KCNQ3: variants seen among roughly 807,000 people sequenced by gnomAD.
KCNQ3 encodes the protein potassium voltage-gated channel subfamily Q member 3.
In KCNQ3, 30 loss-of-function variants were observed where a neutral mutation model predicts 92.5. The observed-to-expected ratio is 0.32, with a 90% confidence interval of 0.24 to 0.44. KCNQ3 has a LOEUF of 0.44. Ranked by LOEUF, KCNQ3 falls within the 20% of genes least tolerant of loss-of-function variation. The pLI, the probability that KCNQ3 is intolerant of heterozygous loss-of-function variation, is 1.00. For synonymous variants in KCNQ3, 450 were observed against 468.8 expected, an observed-to-expected ratio of 0.96 and a Z score of 0.52; for missense variants, 913 against 1,140.3, an observed-to-expected ratio of 0.80 and a Z score of 2.87.
chr8:132,431,253 C>T (rs528778980), intron 1 of KCNQ3, among the ~76,000 whole-genome samples: 9 of 152,142 alleles, frequency 5.9e-5, no homozygotes, highest in Admixed American at 1.3e-4. Flanking sequence ...TGTCACTAGC[C>T]GGGGAGAGGA....
intron 1 of KCNQ3, among the ~76,000 whole-genome samples, chr8:132,278,686 T>A (rs996122309): frequency 6.6e-6 from 1 of 152,200 alleles, no homozygotes; most frequent in Non-Finnish European, 1.5e-5. Context: ...TGGCTAGACA[T>A]GCAGAATTGC....
intron 1 of KCNQ3, chr8:132,278,028 C>A: frequency 1.3e-5 from 13 of 985,354 alleles, no homozygotes; most frequent in Non-Finnish European, 1.6e-5. Flanking sequence ...TTCAAGGCTA[C>A]AGAGCTCAGA....
At chr8:132,414,754 A>C (rs984006509) in intron 1 of KCNQ3, among the ~76,000 whole-genome samples, 10 of 152,236 alleles carry the variant, frequency 6.6e-5, no homozygotes. Context: ...AGACAGAGGG[A>C]GCAAACAAAC....
At chr8:132,192,654 G>GT (rs139346724) in intron 1 of KCNQ3, among the ~76,000 whole-genome samples, 4,101 of 151,936 alleles carry the variant, frequency 0.027, 217 homozygotes, top group African/African-American at 0.095. Context: ...TTTGTTTGTT[G>GT]TTTTTTTATT....
chr8:132,326,069 C>T (rs1818043562), intron 1 of KCNQ3, among the ~76,000 whole-genome samples: 1 of 152,138 alleles, frequency 6.6e-6, no homozygotes, highest in South Asian at 2.1e-4. Context: ...CAGCATGAGG[C>T]TTGGATGTGC....
intron 1 of KCNQ3, among the ~76,000 whole-genome samples, chr8:132,355,480 T>A (rs544650892): frequency 6.6e-6 from 1 of 152,218 alleles, no homozygotes; most frequent in Non-Finnish European, 1.5e-5. Context: ...GGTCCAGGGA[T>A]TGACATGTAA....
intron 13 of KCNQ3, among the ~76,000 whole-genome samples, chr8:132,133,381 G>GC (rs1824950669): frequency 8.6e-6 from 1 of 116,042 alleles, no homozygotes; most frequent in Non-Finnish European, 1.8e-5. Flanking sequence ...TTTTGAGATG[G>GC]AGTCTCACTC....
chr8:132,420,055 C>T (rs940855256), intron 1 of KCNQ3, among the ~76,000 whole-genome samples: 1 of 152,164 alleles, frequency 6.6e-6, no homozygotes, highest in South Asian at 2.1e-4. Context: ...ATCAGGGTGC[C>T]AGCATTGCTG....
chr8:132,231,459 G>T (rs1288979624), intron 1 of KCNQ3, among the ~76,000 whole-genome samples: 1 of 152,178 alleles, frequency 6.6e-6, no homozygotes, highest in Non-Finnish European at 1.5e-5. Context: ...TAAATATAGG[G>T]ATTTGGGGGG....
At chr8:132,348,000 A>AAAG (rs1818748003) in intron 1 of KCNQ3, among the ~76,000 whole-genome samples, 1 of 144,986 alleles carries the variant, frequency 6.9e-6, no homozygotes, top group Non-Finnish European at 1.5e-5. Flanking sequence ...AAAAAAAAAA[A>AAAG]AGGAAAACCC....
intron 1 of KCNQ3, among the ~76,000 whole-genome samples, chr8:132,407,617 C>A (rs1283794237): frequency 6.6e-6 from 1 of 152,134 alleles, no homozygotes; most frequent in East Asian, 1.9e-4. Flanking sequence ...CCTGGGACAC[C>A]CTTCCTCCCT....
At chr8:132,353,175 G>T (rs528232342) in intron 1 of KCNQ3, among the ~76,000 whole-genome samples, 1 of 152,160 alleles carries the variant, frequency 6.6e-6, no homozygotes, top group Non-Finnish European at 1.5e-5. Context: ...GCAGTGAGCC[G>T]AGATCGCGCC....
chr8:132,379,999 C>T (rs1819703581), intron 1 of KCNQ3, among the ~76,000 whole-genome samples: 1 of 151,426 alleles, frequency 6.6e-6, no homozygotes, highest in South Asian at 2.1e-4. Flanking sequence ...GTAATTACCA[C>T]AATGTATAGA....
At chr8:132,422,328 C>G (rs1390507863) in intron 1 of KCNQ3, among the ~76,000 whole-genome samples, 4 of 152,196 alleles carry the variant, frequency 2.6e-5, no homozygotes, top group African/African-American at 9.7e-5. Context: ...TCAAGTCCAG[C>G]CACCACCACC....
At chr8:132,211,724 G>A (rs536636248) in intron 1 of KCNQ3, among the ~76,000 whole-genome samples, 7 of 152,044 alleles carry the variant, frequency 4.6e-5, no homozygotes, top group South Asian at 2.1e-4. Context: ...AGGCCAAGGC[G>A]GGTGGATCAC....
intron 9 of KCNQ3, among the ~76,000 whole-genome samples, chr8:132,143,387 T>C (rs1173800458): frequency 6.6e-6 from 1 of 152,212 alleles, no homozygotes; most frequent in Non-Finnish European, 1.5e-5. Flanking sequence ...TACATTTCCA[T>C]GCCTGCCCGC....
chr8:132,381,593 A>G (rs1444509236), intron 1 of KCNQ3, among the ~76,000 whole-genome samples: 2 of 152,252 alleles, frequency 1.3e-5, no homozygotes, highest in South Asian at 2.1e-4. Context: ...CCAGCCTACA[A>G]CTAGAGCTCG....
At position 132,480,710 on chromosome 8, in the gene KCNQ3, G is replaced by T. The variant is rs983119537; in HGVS notation, c.-178C>A. The T allele has an allele frequency of 8.3e-6, 5 of 600,610 alleles. No individual in the cohort carries two copies. Among genetic ancestry groups the T allele is most frequent in the Non-Finnish European group, 1.1e-5 (5 of 472,014 alleles). 37.2% of individuals were successfully genotyped at this position (600,610 alleles called of 1,614,324 possible). A position where few individuals can be genotyped will look rare whatever the true frequency, so the allele number is the denominator to read the frequency against. On this transcript the variant is annotated 5_prime_UTR_variant, in exon 1 of 15. Transcript: ENST00000388996. ...CAGGCAAAGGCGGGCCCCCTGGGGG[G>T]CAGGGGAGGCCAGGCAGGGGGTCAG...
intron 1 of KCNQ3, among the ~76,000 whole-genome samples, chr8:132,310,906 T>A (rs1408293791): frequency 6.6e-6 from 1 of 152,134 alleles, no homozygotes; most frequent in Non-Finnish European, 1.5e-5. Flanking sequence ...ATGTTCACTA[T>A]AAACAAATGG....
Sources: gnomAD v4.1 joint callset for allele counts (sites outside exome capture counted in the v4.1 genomes callset) on GRCh38, gnomAD v4.1.1 for gene constraint, MANE v1.5 for transcripts, NCBI Gene and HGNC (gene_info 2026-07-23, HGNC 2026-07-21) for gene names.